MTREX: variants seen among roughly 807,000 people sequenced by gnomAD.
MTREX encodes exosome RNA helicase MTR4.
In MTREX, 76 loss-of-function variants were observed where a neutral mutation model predicts 135.4. That is an observed-to-expected ratio of 0.56 (90% CI 0.47 to 0.68). The LOEUF (loss-of-function observed/expected upper bound fraction) is 0.68. Ranked by LOEUF, MTREX falls within the 30% of genes least tolerant of loss-of-function variation. The pLI, the probability that MTREX is intolerant of heterozygous loss-of-function variation, is 0.00. For synonymous variants in MTREX, 404 were observed against 401.6 expected, an observed-to-expected ratio of 1.01 and a Z score of -0.07; for missense variants, 920 against 1,262.1, an observed-to-expected ratio of 0.73 and a Z score of 4.11.
At chr5:55,414,384 T>C in intron 24 of MTREX, 146 bp downstream of exon 24, 1 of 626,500 alleles carries the variant, frequency 1.6e-6, no homozygotes, top group Non-Finnish European at 2.6e-6. Flanking sequence ...GTCAGTCATG[T>C]AATTTAATGT....
chr5:55,396,071 A>G (rs1369044727), intron 19 of MTREX, among the ~76,000 whole-genome samples: 4 of 152,226 alleles, frequency 2.6e-5, no homozygotes, highest in Non-Finnish European at 5.9e-5. Flanking sequence ...CGATGAAGCA[A>G]ATAGGCAAAA....
chr5:55,413,883 A>G (rs1366288224), intron 23 of MTREX, among the ~76,000 whole-genome samples: 1 of 152,170 alleles, frequency 6.6e-6, no homozygotes, highest in Non-Finnish European at 1.5e-5. Context: ...TGTTTACAAT[A>G]TTTACCCTCC....
chr5:55,393,835 T>G (rs1023042013), intron 19 of MTREX, among the ~76,000 whole-genome samples: 1 of 152,250 alleles, frequency 6.6e-6, no homozygotes, highest in African/African-American at 2.4e-5. Context: ...AAATTTGATA[T>G]TTATAATTTC....
chr5:55,323,054 G>A (rs951831798), intron 2 of MTREX, among the ~76,000 whole-genome samples: 5 of 152,144 alleles, frequency 3.3e-5, no homozygotes, highest in Admixed American at 2.6e-4. Context: ...ATTTGAACTT[G>A]GCACTACCAT....
intron 5 of MTREX, 94 bp from the exon 6 acceptor site, chr5:55,339,916 A>G: frequency 1.2e-6 from 1 of 849,038 alleles, no homozygotes; most frequent in Non-Finnish European, 1.7e-6. Context: ...ATAAATAATT[A>G]GGGAAAATTT....
At position 55,400,351 on chromosome 5, in the gene MTREX, T is replaced by G. The variant is rs753932460; in HGVS notation, c.2411T>G (p.Met804Arg). ...AAAGTAGAAGCTTTTGAGCATCGAA[T>G]GTATTCTCATCCACTTCACAATGAT... is the stretch of plus-strand genomic sequence containing the variant. ...IQKVEAFEHR[M>R]YSHPLHNDPN... The change falls in exon 21 of 27, where the codon ATG becomes AGG. Residue 804 changes from methionine to arginine, a missense_variant. Met to Arg is a moderately conservative substitution (Grantham distance 91). This residue lies in a region of MTREX where 467 missense variants were observed against 589.7 expected (regional missense o/e 0.79). Transcript: ENST00000230640. 1 of 1,613,690 alleles carries G rather than the reference T, an allele frequency of 6.2e-7. No individual in the cohort carries two copies. Among genetic ancestry groups the G allele is most frequent in the Admixed American group, 1.7e-5 (1 of 59,998 alleles).
chr5:55,388,474 A>G (rs372004435), intron 19 of MTREX, among the ~76,000 whole-genome samples: 4 of 152,090 alleles, frequency 2.6e-5, no homozygotes, highest in Non-Finnish European at 4.4e-5. Flanking sequence ...TCCCATTCCC[A>G]TGGAAATAGA....
At chr5:55,395,125 G>T (rs1292873570) in intron 19 of MTREX, among the ~76,000 whole-genome samples, 1 of 152,068 alleles carries the variant, frequency 6.6e-6, no homozygotes, top group African/African-American at 2.4e-5. Context: ...AAAGGAAATG[G>T]CTGGCCGTGG....
chr5:55,335,955 T>C (rs1439793215), intron 5 of MTREX, among the ~76,000 whole-genome samples: 1 of 152,166 alleles, frequency 6.6e-6, no homozygotes, highest in Admixed American at 6.5e-5. Flanking sequence ...TTTCAGTGTA[T>C]AGGTCTTATA....
intron 9 of MTREX, 107 bp downstream of exon 9, chr5:55,344,727 ATTTG>A: frequency 3.1e-6 from 2 of 652,668 alleles, no homozygotes; most frequent in South Asian, 2.5e-5. Context: ...GAAAAGATAC[ATTTG>A]TTTGTCTTAG....
intron 19 of MTREX, among the ~76,000 whole-genome samples, chr5:55,391,061 T>C (rs903871876): frequency 1.3e-5 from 2 of 152,194 alleles, no homozygotes; most frequent in African/African-American, 2.4e-5. Context: ...CTCATAATTT[T>C]TCATTGAAAA....
intron 9 of MTREX, 42 bp downstream of exon 9, chr5:55,344,662 T>C: frequency 8.9e-7 from 1 of 1,119,844 alleles, no homozygotes; most frequent in Non-Finnish European, 1.3e-6. Context: ...AATGTCATAC[T>C]TTATTATTAA....
At chr5:55,309,853 A>T (rs1001273430) in intron 1 of MTREX, among the ~76,000 whole-genome samples, 1 of 152,228 alleles carries the variant, frequency 6.6e-6, no homozygotes, top group African/African-American at 2.4e-5. Flanking sequence ...GATTAGAGGG[A>T]TAAGAGAAAA....
At chr5:55,376,192 G>A (rs1235349864) in intron 16 of MTREX, among the ~76,000 whole-genome samples, 1 of 152,200 alleles carries the variant, frequency 6.6e-6, no homozygotes, top group South Asian at 2.1e-4. Context: ...CTTTAATTTA[G>A]TTATGTCCAA....
chr5:55,385,619 A>T (rs1561204770), intron 18 of MTREX, among the ~76,000 whole-genome samples: 1 of 151,032 alleles, frequency 6.6e-6, no homozygotes, highest in Non-Finnish European at 1.5e-5. Flanking sequence ...TGAATTTTAG[A>T]TTTTTTTTTG....
rs138644220 is a variant in MTREX at position 55,340,085 on chromosome 5, A to G, written c.591A>G (p.Gln197=). The G allele has an allele frequency of 5.0e-6, 8 of 1,603,612 alleles. No homozygotes were observed. Among genetic ancestry groups the G allele is most frequent in the Non-Finnish European group, 5.1e-6 (6 of 1,175,164 alleles). The change falls in exon 6 of 27, where the codon CAA becomes CAG. Residue 197 remains glutamine (Q), a synonymous_variant. Transcript: ENST00000230640. ...GCCCAATTAAGGCTCTGAGTAACCA[A>G]AAATACCGTGAAATGTATGAAGAAT... ...FTSPIKALSN[Q]KYREMYEEFQ...
intron 18 of MTREX, among the ~76,000 whole-genome samples, chr5:55,383,237 T>A (rs537081465): frequency 1.1e-4 from 17 of 152,338 alleles, no homozygotes; most frequent in African/African-American, 4.1e-4. Context: ...CTATCTTTTA[T>A]AATTATATAA....
chr5:55,422,827 C>T (rs1751075110), intron 25 of MTREX, 51 bp from the exon 26 acceptor site: 2 of 1,458,794 alleles, frequency 1.4e-6, no homozygotes, highest in Non-Finnish European at 1.9e-6. Context: ...AAAAATTCTG[C>T]TGTTCCTGAT....
At chr5:55,411,853 G>T (rs911435543) in intron 23 of MTREX, among the ~76,000 whole-genome samples, 4 of 152,198 alleles carry the variant, frequency 2.6e-5, no homozygotes, top group African/African-American at 9.6e-5. Context: ...CTTGGAATAG[G>T]AAGGTTCAGA....
Sources: gnomAD v4.1 joint callset for allele counts (sites outside exome capture counted in the v4.1 genomes callset) on GRCh38, gnomAD v4.1.1 for gene constraint, gnomAD v4.1.1 regional missense constraint, MANE v1.5 for transcripts, NCBI Gene and HGNC (gene_info 2026-07-23, HGNC 2026-07-21) for gene names.